Variants in ZNF157 observed in about 807,000 individuals in gnomAD.
ZNF157 encodes zinc finger protein 157, also known as zinc finger protein 22.
ZNF157 carries 8 observed loss-of-function variants against 9.4 expected under a neutral mutation model. The ratio of observed to expected loss-of-function variants is 0.85; its 90% CI spans 0.50 to 1.53. ZNF157 has a LOEUF of 1.53. Ranked by LOEUF, ZNF157 falls within the 40% of genes most tolerant of loss-of-function variation. The pLI, the probability that ZNF157 is intolerant of heterozygous loss-of-function variation, is 0.00. For synonymous variants in ZNF157, 120 were observed against 130.8 expected, an observed-to-expected ratio of 0.92 and a Z score of 0.56; for missense variants, 316 against 385.2, an observed-to-expected ratio of 0.82 and a Z score of 1.50.
intron 1 of ZNF157, among the ~76,000 whole-genome samples, chrX:47,395,990 G>A (rs2055912008): frequency 9.0e-6 from 1 of 111,406 alleles, no homozygotes; most frequent in Non-Finnish European, 1.9e-5. Context: ...GTACTATAAT[G>A]TTAAGTATTA....
chrX:47,395,813 A>C (rs1390229438), intron 1 of ZNF157, among the ~76,000 whole-genome samples: 1 of 110,458 alleles, frequency 9.1e-6, no homozygotes, highest in East Asian at 2.9e-4. Flanking sequence ...AAAAATGCAA[A>C]AATTAGCCAG....
At chrX:47,385,570 T>TGC (rs2055877307) in intron 1 of ZNF157, among the ~76,000 whole-genome samples, 1 of 108,404 alleles carries the variant, frequency 9.2e-6, no homozygotes, top group African/African-American at 3.4e-5. Context: ...TGTGTGTGTG[T>TGC]GTGTGTGTGT....
At chrX:47,388,742 A>C (rs2055887812) in intron 1 of ZNF157, 3 of 156,271 alleles carry the variant, frequency 1.9e-5, no homozygotes, top group African/African-American at 9.3e-5. Context: ...GGGGCACAAA[A>C]CTTGTGACCT....
chrX:47,410,169 A>G (rs763392496), intron 1 of ZNF157, 107 bp from the exon 2 acceptor site: 2 of 1,067,316 alleles, frequency 1.9e-6, no homozygotes, highest in South Asian at 3.8e-5. Flanking sequence ...TCAGGTATCC[A>G]GTGTAGCTCT....
Position 47,413,162 on chromosome X carries a change from T to A in ZNF157, c.1089T>A (p.Cys363Ter), listed in dbSNP as rs1362540099. ...AAAAGCCCTATCAGTGTAATGAATG[T>A]GGGAAATCTTTCAGGGTGCACTCAT... ...TGEKPYQCNECGKSFRVHSSL... is the reference protein window; with the variant it reads ...TGEKPYQCNE Residue 363 changes from cysteine (C) to a stop codon, truncating the protein, a stop_gained, in exon 4 of 4, where the codon TGT becomes TGA. Coordinates refer to ENST00000377073, the MANE Select transcript of ZNF157 (RefSeq NM_003446.4). LOFTEE classifies it low-confidence loss of function (END_TRUNC). The A allele has an allele frequency of 1.7e-6, 2 of 1,211,455 alleles. No homozygotes were observed. Among genetic ancestry groups the A allele is most frequent in the Admixed American group, 4.3e-5 (2 of 46,021 alleles).
chrX:47,410,884 A>T, intron 3 of ZNF157, 109 bp downstream of exon 3: 2 of 618,122 alleles, frequency 3.2e-6, no homozygotes, highest in South Asian at 6.5e-5. Context: ...CTCTTTTTAG[A>T]GTTCCTAGCT....
At chrX:47,395,304 C>A (rs765870534) in intron 1 of ZNF157, among the ~76,000 whole-genome samples, 2 of 111,977 alleles carry the variant, frequency 1.8e-5, no homozygotes, top group Non-Finnish European at 1.9e-5. Flanking sequence ...TCTGCCTTGG[C>A]GTCTTGAATA....
Position 47,413,354 on chromosome X carries a change from A to G in ZNF157, c.1281A>G (p.Lys427=). 8.3e-7 allele frequency: 1 copy of G among 1,211,716 alleles called. No homozygotes were observed. Residue 427 remains lysine, a synonymous_variant, in exon 4 of 4, where the codon AAA becomes AAG. Transcript: ENST00000377073. ...GTGGGAAAATCTTCAGTATGAAGAA[A>G]TCCCTTTGTCAACACCGGAGAACTC... ...SECGKIFSMK[K]SLCQHRRTHT... is the part of the protein sequence containing the mutation.
chrX:47,409,730 G>A (rs762562818), intron 1 of ZNF157, among the ~76,000 whole-genome samples: 5 of 106,611 alleles, frequency 4.7e-5, no homozygotes, highest in African/African-American at 6.9e-5. Context: ...TGCAACCTCC[G>A]CCTCCTGGGT....
At chrX:47,386,220 G>A (rs10218376) in intron 1 of ZNF157, among the ~76,000 whole-genome samples, 27,710 of 110,348 alleles carry the variant, frequency 0.25, 3,149 homozygotes, top group East Asian at 0.42. Flanking sequence ...TCGTATGTGC[G>A]CTTTATCCAG....
At chrX:47,407,564 T>C (rs2055950810) in intron 1 of ZNF157, among the ~76,000 whole-genome samples, 1 of 112,661 alleles carries the variant, frequency 8.9e-6, no homozygotes. Context: ...GTGTTTTGTA[T>C]ATTTCATGGA....
chrX:47,381,357 A>G (rs766327726), intron 1 of ZNF157, among the ~76,000 whole-genome samples: 1 of 111,609 alleles, frequency 9.0e-6, no homozygotes, highest in African/African-American at 3.2e-5. Context: ...CTAACTACCT[A>G]ACTACCTAAT....
intron 1 of ZNF157, among the ~76,000 whole-genome samples, chrX:47,409,585 C>T (rs1309152482): frequency 1.6e-4 from 17 of 108,690 alleles, no homozygotes; most frequent in Non-Finnish European, 3.1e-4. Flanking sequence ...TCAAGTGATC[C>T]GCCTGCCTCG....
chrX:47,406,360 TTCTC>T (rs200438396), intron 1 of ZNF157, among the ~76,000 whole-genome samples: 13 of 109,257 alleles, frequency 1.2e-4, no homozygotes, highest in Non-Finnish European at 5.7e-5. Flanking sequence ...CTGTATTTCT[TTCTC>T]TCTCTCTCTC....
intron 1 of ZNF157, among the ~76,000 whole-genome samples, chrX:47,385,333 A>G (rs759545476): frequency 9.0e-6 from 1 of 111,398 alleles, no homozygotes; most frequent in South Asian, 3.7e-4. Flanking sequence ...ATAGTCATAC[A>G]AGTAAGTATA....
At chrX:47,404,111 A>G (rs2055939480) in intron 1 of ZNF157, among the ~76,000 whole-genome samples, 1 of 110,422 alleles carries the variant, frequency 9.1e-6, no homozygotes, top group Non-Finnish European at 1.9e-5. Context: ...TGGAGGTTGC[A>G]GTGAGCTGAG....
At chrX:47,398,744 C>T (rs902826017) in intron 1 of ZNF157, among the ~76,000 whole-genome samples, 6 of 110,367 alleles carry the variant, frequency 5.4e-5, no homozygotes, top group Non-Finnish European at 1.1e-4. Flanking sequence ...TGCAATGGTG[C>T]GATCTTGGTT....
At chrX:47,404,804 A>T (rs923436833) in intron 1 of ZNF157, among the ~76,000 whole-genome samples, 4 of 110,579 alleles carry the variant, frequency 3.6e-5, no homozygotes, top group African/African-American at 6.6e-5. Flanking sequence ...TTATTTTTTT[A>T]AATTTTTTTT....
chrX:47,407,960 A>G (rs960983402), intron 1 of ZNF157, among the ~76,000 whole-genome samples: 1 of 111,885 alleles, frequency 8.9e-6, no homozygotes, highest in Non-Finnish European at 1.9e-5. Flanking sequence ...TGCTATAAAG[A>G]AATACCTGAG....
Sources: gnomAD v4.1 joint callset for allele counts (sites outside exome capture counted in the v4.1 genomes callset) on GRCh38, gnomAD v4.1.1 for gene constraint, MANE v1.5 for transcripts, NCBI Gene and HGNC (gene_info 2026-07-23, HGNC 2026-07-21) for gene names.